Variants in GLUD1 observed in about 807,000 individuals in gnomAD.
GLUD1 encodes glutamate dehydrogenase 1, mitochondrial.
In GLUD1, 22 loss-of-function variants were observed where a neutral mutation model predicts 56.0. That is an observed-to-expected ratio of 0.39 (90% CI 0.28 to 0.56). The LOEUF (loss-of-function observed/expected upper bound fraction) is 0.56, where lower values mean the gene tolerates loss of function less well. Among genes scored for constraint, GLUD1 ranks in the 20% least tolerant of loss-of-function variants. GLUD1 has a pLI of 0.58. For missense variants in GLUD1, 451 were observed against 732.0 expected, an observed-to-expected ratio of 0.62 and a Z score of 4.43; for synonymous variants, 223 against 269.9, an observed-to-expected ratio of 0.83 and a Z score of 1.70.
chr10:87,087,275 G>GT (rs1296310831), intron 1 of GLUD1, among the ~76,000 whole-genome samples: 3 of 152,250 alleles, frequency 2.0e-5, no homozygotes, highest in East Asian at 3.9e-4. Context: ...AATTTGGAGG[G>GT]TACCACCCTA....
chr10:87,062,890 A>C, intron 5 of GLUD1, 55 bp from the exon 6 acceptor site: 2 of 1,505,812 alleles, frequency 1.3e-6, no homozygotes, highest in East Asian at 4.5e-5. Context: ...TCTCTGTTGA[A>C]GGAACATAAT....
At chr10:87,057,570 G>A (rs547803673) in intron 11 of GLUD1, 121 bp downstream of exon 11, 99 of 751,692 alleles carry the variant, frequency 1.3e-4, no homozygotes, top group African/African-American at 7.0e-4. Context: ...CACATGTCAC[G>A]CACTTACTGT....
At chr10:87,080,729 C>G (rs929000631) in intron 1 of GLUD1, among the ~76,000 whole-genome samples, 2 of 148,724 alleles carry the variant, frequency 1.3e-5, no homozygotes, top group Admixed American at 6.7e-5. Flanking sequence ...AAGTGAGGAG[C>G]CCCTCCGCCT....
At chr10:87,063,841 G>T (rs186466920) in intron 5 of GLUD1, among the ~76,000 whole-genome samples, 1 of 152,018 alleles carries the variant, frequency 6.6e-6, no homozygotes, top group African/African-American at 2.4e-5. Context: ...GGAGATGGGG[G>T]TTAACAGTCT....
At chr10:87,081,307 C>A (rs1342379031) in intron 1 of GLUD1, among the ~76,000 whole-genome samples, 1 of 144,208 alleles carries the variant, frequency 6.9e-6, no homozygotes, top group African/African-American at 2.6e-5. Flanking sequence ...CCAGCCACCC[C>A]GTCCGGGAGG....
chr10:87,080,883 C>A (rs1219964773), intron 1 of GLUD1, among the ~76,000 whole-genome samples: 4 of 149,394 alleles, frequency 2.7e-5, no homozygotes, highest in Non-Finnish European at 6.0e-5. Context: ...GCCGCCCCGT[C>A]CGGGAGGTGA....
At chr10:87,088,767 T>G (rs564645702) in intron 1 of GLUD1, among the ~76,000 whole-genome samples, 2 of 152,142 alleles carry the variant, frequency 1.3e-5, no homozygotes, top group Non-Finnish European at 2.9e-5. Flanking sequence ...TCAAGAGAAA[T>G]AGCAATTCAT....
Position 87,071,746 on chromosome 10 carries a change from T to C in GLUD1, c.646+2805A>G, listed in dbSNP as rs562759328. Among the ~76,000 whole-genome samples the C allele has an allele frequency of 7.6e-3, 1,164 of 152,302 alleles. 17 individuals are homozygous for C. The highest frequency in any genetic ancestry group is 0.027 in the African/African-American group (1,121 of 41,566). ...AGAAGAGGAAGGAACACTCCTCAAC[T>C]CATTCCATGAGGCTAGAATTGTCCT... On this transcript the variant is annotated intron_variant, in intron 4 of 12. Coordinates refer to ENST00000277865, the MANE Select transcript of GLUD1 (RefSeq NM_005271.5).
intron 12 of GLUD1, among the ~76,000 whole-genome samples, chr10:87,052,094 A>C (rs935797990): frequency 2.6e-5 from 4 of 152,238 alleles, no homozygotes; most frequent in Admixed American, 1.3e-4. Context: ...TCACGCCTGT[A>C]ATCCCAGCAC....
intron 1 of GLUD1, among the ~76,000 whole-genome samples, chr10:87,092,226 A>T (rs1461409742): frequency 2.0e-5 from 3 of 152,226 alleles, no homozygotes; most frequent in African/African-American, 7.2e-5. Context: ...ACTGTTTATT[A>T]AGCAAACTAA....
chr10:87,058,015 C>T (rs533296909), intron 10 of GLUD1, among the ~76,000 whole-genome samples: 1 of 152,008 alleles, frequency 6.6e-6, no homozygotes, highest in Non-Finnish European at 1.5e-5. Flanking sequence ...ACTACAGGTG[C>T]GCGCCACCAC....
intron 10 of GLUD1, 38 bp from the exon 11 acceptor site, chr10:87,057,820 A>AC: frequency 5.5e-6 from 5 of 912,950 alleles, no homozygotes; most frequent in Non-Finnish European, 8.7e-6. Context: ...TATTGCTAAC[A>AC]GAAAAAAAAA....
chr10:87,069,374 G>T (rs1229771992), intron 4 of GLUD1, among the ~76,000 whole-genome samples: 1 of 151,948 alleles, frequency 6.6e-6, no homozygotes, highest in Non-Finnish European at 1.5e-5. Flanking sequence ...AATTAGCCGG[G>T]CGTGGTGGCA....
intron 4 of GLUD1, among the ~76,000 whole-genome samples, chr10:87,068,577 A>C (rs1426117645): frequency 6.6e-6 from 1 of 152,206 alleles, no homozygotes; most frequent in African/African-American, 2.4e-5. Flanking sequence ...ATGAGATAGC[A>C]GAGTAACATG....
rs538784456 is a variant in GLUD1 at position 87,090,095 on chromosome 10, C to A, written c.445+4230G>T. Among the ~76,000 whole-genome samples the A allele has an allele frequency of 1.6e-4, 24 of 152,214 alleles. No individual in the cohort carries two copies. In the South Asian group the frequency reaches 4.6e-3, roughly 29 times the overall value. ...GGGTAAAATAAATAGAAAAGAAGAA[C>A]AGTCACGTGGCAGAGACTAGTGTCT... On this transcript the variant is annotated intron_variant, in intron 1 of 12. Transcript: ENST00000277865.
rs147168722 is a variant in GLUD1 at position 87,079,867 on chromosome 10, T to C, written c.446-3211A>G. Reference sequence around the variant, plus strand: ...AAATTCACAGGAAATAGTAAAACAATGTATTAATTAAGAACTAGTGCTCTC... The same window carrying C: ...AAATTCACAGGAAATAGTAAAACAACGTATTAATTAAGAACTAGTGCTCTC... On this transcript the variant is annotated intron_variant, in intron 1 of 12. Transcript: ENST00000277865. Among the ~76,000 whole-genome samples the C allele has an allele frequency of 1.3e-4, 19 of 151,262 alleles. 1 individual carries two copies. The East Asian group carries it at 3.5e-3, about 28-fold the overall frequency.
At chr10:87,059,638 T>A (rs1845877067) in intron 9 of GLUD1, among the ~76,000 whole-genome samples, 1 of 152,232 alleles carries the variant, frequency 6.6e-6, no homozygotes, top group African/African-American at 2.4e-5. Context: ...GGATTCTTTC[T>A]CCTATTACCT....
At chr10:87,058,252 T>C (rs567462325) in intron 10 of GLUD1, among the ~76,000 whole-genome samples, 1 of 152,328 alleles carries the variant, frequency 6.6e-6, no homozygotes, top group South Asian at 2.1e-4. Flanking sequence ...ATTTCCTATA[T>C]AAATGTGAAT....
chr10:87,060,828 G>T lies in GLUD1; in HGVS notation c.1060-3C>A. 1 of 1,614,126 alleles carries T rather than the reference G, an allele frequency of 6.2e-7. No homozygotes were observed. The highest frequency in any genetic ancestry group is 2.2e-5 in the East Asian group (1 of 44,880). On this transcript the variant is annotated splice_region_variant and splice_polypyrimidine_tract_variant and intron_variant, in intron 7 of 12. Transcript: ENST00000277865. ...AAGCCCAGAATGGACCCATGTTGCT[G>T]CCATTGATTGAAAATCACAATTAAT...
Sources: allele counts gnomAD v4.1 joint callset (sites outside exome capture counted in the v4.1 genomes callset), GRCh38; gene constraint gnomAD v4.1.1; transcripts MANE v1.5; gene names NCBI Gene and HGNC (gene_info 2026-07-23, HGNC 2026-07-21).